Variants in ATXN7L1 observed in about 807,000 individuals in gnomAD.
The protein encoded by ATXN7L1 is ataxin-7-like protein 1.
In ATXN7L1, 15 loss-of-function variants were observed where a neutral mutation model predicts 70.8. The observed-to-expected ratio is 0.21, with a 90% CI of 0.14 to 0.33. ATXN7L1 has a LOEUF of 0.33. Ranked by LOEUF, ATXN7L1 falls within the 10% of genes least tolerant of loss-of-function variation. The probability of loss-of-function intolerance (pLI) is 1.00; values close to 1 mark genes in which losing one functional copy is unlikely to be tolerated. For synonymous variants in ATXN7L1, 440 were observed against 445.1 expected, an observed-to-expected ratio of 0.99 and a Z score of 0.14; for missense variants, 975 against 1,097.1, an observed-to-expected ratio of 0.89 and a Z score of 1.57.
At chr7:105,664,727 T>C (rs1242564326) in intron 4 of ATXN7L1, among the ~76,000 whole-genome samples, 1 of 151,342 alleles carries the variant, frequency 6.6e-6, no homozygotes, top group Non-Finnish European at 1.5e-5. Flanking sequence ...CCACCACACC[T>C]GACTAATTTT....
intron 2 of ATXN7L1, among the ~76,000 whole-genome samples, chr7:105,857,287 C>T (rs1391525869): frequency 6.6e-6 from 1 of 152,224 alleles, no homozygotes; most frequent in Non-Finnish European, 1.5e-5. Flanking sequence ...AGGTCTGAGA[C>T]CCAGGTTAAA....
At chr7:105,748,116 CAA>C (rs10566200) in intron 3 of ATXN7L1, among the ~76,000 whole-genome samples, 32,185 of 121,908 alleles carry the variant, frequency 0.26, 3,367 homozygotes, top group East Asian at 0.33. Context: ...AACTCCATCT[CAA>C]AAAAAAAAAA....
At chr7:105,653,147 T>A (rs184685711) in intron 4 of ATXN7L1, among the ~76,000 whole-genome samples, 54 of 152,352 alleles carry the variant, frequency 3.5e-4, no homozygotes, top group Non-Finnish European at 1.2e-4. Context: ...AGACTTTTTC[T>A]TTTTTAATCT....
chr7:105,857,143 T>G (rs919893194), intron 2 of ATXN7L1, among the ~76,000 whole-genome samples: 1 of 152,172 alleles, frequency 6.6e-6, no homozygotes, highest in African/African-American at 2.4e-5. Flanking sequence ...CTAGCTGCTG[T>G]GTTGCCTCTG....
chr7:105,691,658 T>TAAAAAAAAAAAGAAA (rs1790860010), intron 3 of ATXN7L1: 1 of 110,940 alleles, frequency 9.0e-6, no homozygotes, highest in African/African-American at 3.5e-5. Context: ...CGGATGTCAG[T>TAAAAAAAAAAAGAAA]AAAAAAAAAA....
chr7:105,827,040 C>A (rs1810969272), intron 2 of ATXN7L1, among the ~76,000 whole-genome samples: 1 of 152,152 alleles, frequency 6.6e-6, no homozygotes, highest in Non-Finnish European at 1.5e-5. Context: ...CAGAGTAAGG[C>A]CACCTTGGAT....
intron 3 of ATXN7L1, among the ~76,000 whole-genome samples, chr7:105,786,216 G>C (rs1035008092): frequency 5.3e-5 from 8 of 152,158 alleles, no homozygotes; most frequent in African/African-American, 1.9e-4. Context: ...GGCTTTGAGG[G>C]ACGAGATCAG....
At chr7:105,676,678 A>G (rs1447501401) in intron 3 of ATXN7L1, among the ~76,000 whole-genome samples, 1 of 152,158 alleles carries the variant, frequency 6.6e-6, no homozygotes, top group Non-Finnish European at 1.5e-5. Flanking sequence ...CGTCTCTACT[A>G]AAAATACAAA....
intron 4 of ATXN7L1, among the ~76,000 whole-genome samples, chr7:105,662,298 T>C (rs1428886343): frequency 6.6e-6 from 1 of 151,990 alleles, no homozygotes; most frequent in Non-Finnish European, 1.5e-5. Context: ...GAGATGAGGT[T>C]TCACCATGTT....
intron 3 of ATXN7L1, among the ~76,000 whole-genome samples, chr7:105,702,545 AAC>A (rs10541042): frequency 0.44 from 66,351 of 149,870 alleles, 15,527 homozygotes; most frequent in African/African-American, 0.62. Context: ...ACAGACCCAC[AAC>A]ACACACACAC....
At chr7:105,788,741 A>G in intron 2 of ATXN7L1, 33 bp from the exon 3 acceptor site, 1 of 1,525,524 alleles carries the variant, frequency 6.6e-7, no homozygotes, top group East Asian at 2.2e-5. Flanking sequence ...TGTGTTTTGA[A>G]AAAGCAATTA....
chr7:105,875,970 G>T, intron 1 of ATXN7L1, 90 bp from the exon 2 acceptor site: 1 of 1,098,984 alleles, frequency 9.1e-7, no homozygotes, highest in Non-Finnish European at 1.4e-6. Flanking sequence ...GTGTTTATTT[G>T]CAAACAGATC....
intron 2 of ATXN7L1, among the ~76,000 whole-genome samples, chr7:105,831,353 G>A (rs1041477907): frequency 1.3e-5 from 2 of 152,200 alleles, no homozygotes; most frequent in African/African-American, 4.8e-5. Context: ...AAAACCCTGG[G>A]AGATTTAAAA....
intron 10 of ATXN7L1, among the ~76,000 whole-genome samples, chr7:105,612,491 C>G (rs1286041072): frequency 6.6e-6 from 1 of 152,308 alleles, no homozygotes; most frequent in East Asian, 1.9e-4. Flanking sequence ...TCACAAGCCC[C>G]CCGGGGGATT....
intron 3 of ATXN7L1, among the ~76,000 whole-genome samples, chr7:105,740,629 G>A (rs1018991216): frequency 6.6e-6 from 1 of 152,034 alleles, no homozygotes; most frequent in Non-Finnish European, 1.5e-5. Flanking sequence ...AAGAAATGTG[G>A]GCTTTGGGGT....
chr7:105,740,015 A>G (rs1406472736), intron 3 of ATXN7L1, among the ~76,000 whole-genome samples: 1 of 152,258 alleles, frequency 6.6e-6, no homozygotes, highest in African/African-American at 2.4e-5. Context: ...TGAAGACTAT[A>G]TACTGTATAT....
rs17151107 is a variant in ATXN7L1, at chr7:105,686,093, T to C, written c.356-20805A>G. Among the ~76,000 whole-genome samples the C allele has an allele frequency of 1.0e-3, 159 of 151,882 alleles. 2 individuals carry two copies. In the East Asian group the frequency reaches 0.03, roughly 28 times the overall value. On this transcript the variant is annotated intron_variant, in intron 3 of 11. Coordinates refer to ENST00000419735, the MANE Select transcript of ATXN7L1 (RefSeq NM_020725.2). ...CCTCTCCTCGTCCATCTAAGGTTAG[T>C]TTCCCAACTTCCAGGGGGAATGAAC...
chr7:105,641,568 G>A lies in ATXN7L1; in HGVS notation c.862+1270C>T, dbSNP rs147264540. On this transcript the variant is annotated intron_variant, in intron 5 of 11. Coordinates refer to ENST00000419735, the MANE Select transcript of ATXN7L1 (RefSeq NM_020725.2). ...GGGTTACAGGCTGGAAGCCACGGCC[G>A]TGCTTCTGCTATGGCGAGGAGCCCT... Among the ~76,000 whole-genome samples the A allele has an allele frequency of 2.6e-3, 403 of 152,374 alleles. 1 individual carries two copies. The highest frequency in any genetic ancestry group is 8.7e-3 in the African/African-American group (361 of 41,598).
At position 105,871,082 on chromosome 7, in the gene ATXN7L1, G is replaced by C. The variant is rs889370539; in HGVS notation, c.250+4730C>G. Among the ~76,000 whole-genome samples, 3 of 110,712 alleles carry C rather than the reference G, an allele frequency of 2.7e-5. No homozygotes were observed. In the Admixed American group the frequency reaches 2.9e-4, roughly 11 times the overall value. The allele number at this position is 110,712 out of a possible 152,430, so 72.6% of individuals were successfully genotyped here. A position where few individuals can be genotyped will look rare whatever the true frequency, so the allele number is the denominator to read the frequency against. ...TAAGATATTTTTAATGTGAGGGCTT[G>C]GGTTTTTTTTTTTTTTTTTTTAAGT... On this transcript the variant is annotated intron_variant, in intron 2 of 11. Transcript: ENST00000419735.
Sources: allele counts gnomAD v4.1 joint callset (sites outside exome capture counted in the v4.1 genomes callset), GRCh38; gene constraint gnomAD v4.1.1; transcripts MANE v1.5; gene names NCBI Gene and HGNC (gene_info 2026-07-23, HGNC 2026-07-21).